Variants in DHRS4 observed in about 807,000 individuals in gnomAD.
DHRS4 encodes dehydrogenase/reductase SDR family member 4.
DHRS4 carries 20 observed loss-of-function variants against 28.4 expected under a neutral mutation model. The ratio of observed to expected loss-of-function variants is 0.71; its 90% CI spans 0.50 to 1.02. DHRS4 has a LOEUF of 1.02. Among genes scored for constraint, DHRS4 ranks in the 50% least tolerant of loss-of-function variants. DHRS4 has a pLI of 0.00. For synonymous variants in DHRS4, 144 were observed against 146.4 expected (o/e 0.98, Z 0.12); for missense variants, 378 against 367.2 (o/e 1.03, Z -0.24).
intron 6 of DHRS4, among the ~76,000 whole-genome samples, 183 bp from the exon 7 acceptor site, chr14:23,967,028 G>A (rs1364630547): frequency 8.5e-5 from 13 of 152,108 alleles, no homozygotes; most frequent in African/African-American, 1.2e-4. Flanking sequence ...AGTGGCGAGC[G>A]CCTGTAATCC....
chr14:23,957,253 C>T (rs1354308496), intron 2 of DHRS4, among the ~76,000 whole-genome samples: 1 of 152,148 alleles, frequency 6.6e-6, no homozygotes, highest in Non-Finnish European at 1.5e-5. Flanking sequence ...GTTTGTATGA[C>T]CATTGTCAGA....
At position 23,955,086 on chromosome 14, in the gene DHRS4, C is replaced by T. The variant is rs763737605; in HGVS notation, c.180C>T (p.Val60=). ...TGGCCCAGGACGGGGCCCATGTGGT[C>T]GTCAGCAGCCGGAAGCAGCAGAATG... is the stretch of plus-strand genomic sequence containing the variant. ...RRLAQDGAHV[V]VSSRKQQNVD... The change falls in exon 2 of 8, where the codon GTC becomes GTT. Residue 60 remains valine (V), a synonymous_variant. Transcript: ENST00000313250. The T allele has an allele frequency of 1.2e-6, 2 of 1,614,180 alleles. No homozygotes were observed. The highest frequency in any genetic ancestry group is 1.1e-5 in the South Asian group (1 of 91,084).
intron 1 of DHRS4, among the ~76,000 whole-genome samples, chr14:23,954,655 C>T (rs188537860): frequency 5.9e-5 from 9 of 152,340 alleles, no homozygotes; most frequent in Middle Eastern, 3.4e-3. Flanking sequence ...ATGATGTAGA[C>T]GAGTAAGAAA....
chr14:23,955,325 A>G, intron 2 of DHRS4, 113 bp downstream of exon 2: 1 of 1,434,108 alleles, frequency 7.0e-7, no homozygotes. Context: ...CCTTTCTATT[A>G]TGTCCATATA....
Position 23,967,272 on chromosome 14 carries a change from C to T in DHRS4, c.722+6C>T, listed in dbSNP as rs752714020. On this transcript the variant is annotated splice_donor_region_variant and intron_variant, in intron 7 of 7. Coordinates refer to ENST00000313250, the MANE Select transcript of DHRS4 (RefSeq NM_021004.4). Reference sequence around the variant, plus strand: ...GAAACCCTGCGGATAAGAAGGTAAACTGTCATGAGGGCAAGGGCACTAAGA... The same window carrying T: ...GAAACCCTGCGGATAAGAAGGTAAATTGTCATGAGGGCAAGGGCACTAAGA... 92 of 1,610,786 alleles carry T rather than the reference C, an allele frequency of 5.7e-5. No individual in the cohort carries two copies. Among genetic ancestry groups the T allele is most frequent in the Non-Finnish European group, 7.0e-5 (82 of 1,178,706 alleles).
chr14:23,969,138 A>G lies in DHRS4; in HGVS notation c.*267A>G, dbSNP rs1309562645. ...GCTGAGTCTACCTTGGCAAAGACCAAGATATTTTTTCCCGGGCCACTGGGG... is the reference window on the plus strand; with the variant it reads ...GCTGAGTCTACCTTGGCAAAGACCAGGATATTTTTTCCCGGGCCACTGGGG... On this transcript the variant is annotated 3_prime_UTR_variant, in exon 8 of 8. Coordinates refer to ENST00000313250, the MANE Select transcript of DHRS4 (RefSeq NM_021004.4). 8.2e-6 allele frequency: 4 copies of G among 488,976 alleles called. No homozygotes were observed. Among genetic ancestry groups the G allele is most frequent in the African/African-American group, 4.0e-5 (2 of 49,942 alleles). The allele number at this position is 488,976 out of a possible 1,614,324, so 30.3% of individuals were successfully genotyped here.
intron 1 of DHRS4, 117 bp downstream of exon 1, chr14:23,954,033 C>T: frequency 6.8e-7 from 1 of 1,464,548 alleles, no homozygotes; most frequent in South Asian, 1.4e-5. Context: ...AAAGTCTGGC[C>T]CTGGAAAAAA....
chr14:23,968,709 C>A (rs1239781817), intron 7 of DHRS4, 48 bp from the exon 8 acceptor site: 2 of 1,600,676 alleles, frequency 1.2e-6, no homozygotes, highest in Non-Finnish European at 1.7e-6. Context: ...GTGAGGGAGG[C>A]AGAACTGTTT....
At chr14:23,963,486 C>T (rs1245257837) in intron 3 of DHRS4, among the ~76,000 whole-genome samples, 1 of 146,974 alleles carries the variant, frequency 6.8e-6, no homozygotes, top group African/African-American at 2.6e-5. Flanking sequence ...CATGAACCAA[C>T]CACTGCTAGC....
chr14:23,964,855 GCATGAGCCAC>G (rs2033559380), intron 3 of DHRS4, among the ~76,000 whole-genome samples: 1 of 148,368 alleles, frequency 6.7e-6, no homozygotes, highest in African/African-American at 2.5e-5. Flanking sequence ...GGGATTGCAG[GCATGAGCCAC>G]CATGCCCAGC....
At chr14:23,956,994 A>C (rs1345926101) in intron 2 of DHRS4, among the ~76,000 whole-genome samples, 1 of 152,208 alleles carries the variant, frequency 6.6e-6, no homozygotes. Context: ...ATAAGAAGCC[A>C]TGTGAGGTTT....
rs536134518 is a variant in DHRS4, at chr14:23,954,938, C to G, written c.129-97C>G. On this transcript the variant is annotated intron_variant, in intron 1 of 7. Transcript: ENST00000313250. ...CGTAGGGGTTATATAGAGAAAGAGCCAGAATTCAAACCCGGGCAGTCTTAA... is the reference window on the plus strand; with the variant it reads ...CGTAGGGGTTATATAGAGAAAGAGCGAGAATTCAAACCCGGGCAGTCTTAA... 19 of 1,563,418 alleles carry G rather than the reference C, an allele frequency of 1.2e-5. No homozygotes were observed. The South Asian group carries it at 2.1e-4, about 18-fold the overall frequency.
chr14:23,954,062 C>G, intron 1 of DHRS4, 146 bp downstream of exon 1: 3 of 1,315,944 alleles, frequency 2.3e-6, no homozygotes, highest in Middle Eastern at 2.7e-4. Flanking sequence ...CGTGGTCCGC[C>G]TGAAGCCACT....
intron 2 of DHRS4, among the ~76,000 whole-genome samples, chr14:23,955,844 T>C (rs2033116328): frequency 6.6e-6 from 1 of 152,220 alleles, no homozygotes; most frequent in South Asian, 2.1e-4. Context: ...TATAAGTCGA[T>C]GTCAGAATTA....
Position 23,966,376 on chromosome 14 carries a change from T to C in DHRS4, c.625T>C (p.Cys209Arg). 6.2e-7 allele frequency: 1 copy of C among 1,614,048 alleles called. No homozygotes were observed. Among genetic ancestry groups the C allele is most frequent in the African/African-American group, 1.3e-5 (1 of 74,930 alleles). The change falls in exon 6 of 8, where the codon TGC becomes CGC. Residue 209 changes from cysteine to arginine, a missense_variant. Physicochemically the swap from Cys to Arg is radical, Grantham distance 180. Transcript: ENST00000313250. ...GGCCCCAAGGAACATTAGGGTGAAC[T>C]GCCTAGCACCTGGACTTATCAAGAC... ...ELAPRNIRVN[C>R]LAPGLIKTSF...
At position 23,959,956 on chromosome 14, in the gene DHRS4, C is replaced by T. The variant is rs761138106; in HGVS notation, c.361C>T (p.Pro121Ser). 6.2e-7 allele frequency: 1 copy of T among 1,609,170 alleles called. No homozygotes were observed. Among genetic ancestry groups the T allele is most frequent in the Non-Finnish European group, 8.5e-7 (1 of 1,179,928 alleles). ...DILVSNAAVN[P>S]FFGSIMDVTE... ...CCTAGTCTCCAATGCTGCTGTCAAC[C>T]CTTTCTTTGGAAGCATAATGGATGT... Residue 121 changes from proline to serine, a missense_variant, in exon 3 of 8, where the codon CCT (proline) becomes TCT (serine). Physicochemically the swap from Pro to Ser is moderately conservative, Grantham distance 74 (BLOSUM62 -1). Transcript: ENST00000313250.
At chr14:23,954,049 C>G in intron 1 of DHRS4, 133 bp downstream of exon 1, 1 of 1,407,890 alleles carries the variant, frequency 7.1e-7, no homozygotes, top group Non-Finnish European at 9.4e-7. Context: ...AAAAAGGTAG[C>G]CACGTGGTCC....
At chr14:23,955,865 C>T (rs1249769411) in intron 2 of DHRS4, among the ~76,000 whole-genome samples, 1 of 152,206 alleles carries the variant, frequency 6.6e-6, no homozygotes, top group Non-Finnish European at 1.5e-5. Context: ...GTAGTGGACA[C>T]CAGCCTTGCA....
At chr14:23,960,042 C>CT in intron 3 of DHRS4, 39 bp downstream of exon 3, 1 of 1,569,874 alleles carries the variant, frequency 6.4e-7, no homozygotes. Context: ...GGGGGGGCGC[C>CT]TTGGAACACA....
Sources: gnomAD v4.1 joint callset for allele counts (sites outside exome capture counted in the v4.1 genomes callset) on GRCh38, gnomAD v4.1.1 for gene constraint, MANE v1.5 for transcripts, NCBI Gene and HGNC (gene_info 2026-07-23, HGNC 2026-07-21) for gene names.